Variants in PKNOX2 observed in about 807,000 individuals in gnomAD.
The protein encoded by PKNOX2 is homeobox protein PKNOX2.
PKNOX2 carries 14 observed loss-of-function variants against 53.1 expected under a neutral mutation model. That is an observed-to-expected ratio of 0.26 (90% CI 0.17 to 0.41). PKNOX2 has a LOEUF of 0.41. PKNOX2 is among the 10% of genes least tolerant of loss of function. The probability of loss-of-function intolerance (pLI) is 1.00; values close to 1 mark genes in which losing one functional copy is unlikely to be tolerated. For synonymous variants in PKNOX2, 257 were observed against 242.8 expected, an observed-to-expected ratio of 1.06 and a Z score of -0.54; for missense variants, 496 against 602.8, an observed-to-expected ratio of 0.82 and a Z score of 1.85.
Position 125,431,387 on chromosome 11 carries a change from G to A in PKNOX2, c.1414G>A (p.Glu472Lys). ...DLGLEHSDSLE is the reference protein window; with the variant it reads ...DLGLEHSDSLK ...GGGCTTGGAACACAGTGACTCCCTG[G>A]AGTAGTCGGGCAGCCCAGATGGCAC... is the stretch of plus-strand genomic sequence containing the variant. Residue 472 changes from glutamate (E) to lysine (K), a missense_variant, in exon 13 of 13, where the codon GAG becomes AAG. By Grantham distance (56) the Glu-to-Lys change is moderately conservative (BLOSUM62 1). Transcript: ENST00000298282. The A allele has an allele frequency of 6.2e-7, 1 of 1,600,630 alleles. No homozygotes were observed. The highest frequency in any genetic ancestry group is 8.5e-7 in the Non-Finnish European group (1 of 1,172,094).
At chr11:125,325,198 T>C (rs1949760412) in intron 2 of PKNOX2, among the ~76,000 whole-genome samples, 1 of 152,232 alleles carries the variant, frequency 6.6e-6, no homozygotes, top group South Asian at 2.1e-4. Flanking sequence ...CTGGCCAAAC[T>C]CTGCCCAGGT....
rs539604561 is a variant in PKNOX2 at position 125,311,930 on chromosome 11, C to T, written c.-129-19889C>T. Among the ~76,000 whole-genome samples, 94 of 152,030 alleles carry T rather than the reference C, an allele frequency of 6.2e-4. 1 individual carries two copies. The highest frequency in any genetic ancestry group is 2.1e-3 in the African/African-American group (86 of 41,444). On this transcript the variant is annotated intron_variant, in intron 2 of 12. Transcript: ENST00000298282. Reference sequence around the variant, plus strand: ...AAACATCTGAATTTGCTCTTGAACCCGGGAGGTGGAGGTTACAGTGAGCGA... The same window carrying T: ...AAACATCTGAATTTGCTCTTGAACCTGGGAGGTGGAGGTTACAGTGAGCGA...
At chr11:125,219,394 CG>C (rs1320477633) in intron 1 of PKNOX2, among the ~76,000 whole-genome samples, 1 of 151,306 alleles carries the variant, frequency 6.6e-6, no homozygotes, top group Non-Finnish European at 1.5e-5. Flanking sequence ...GCCAAGATCA[CG>C]CCATTGCATT....
chr11:125,196,352 G>A (rs138516765), intron 1 of PKNOX2, among the ~76,000 whole-genome samples: 111 of 152,292 alleles, frequency 7.3e-4, no homozygotes, highest in Middle Eastern at 3.4e-3. Flanking sequence ...GGCTCCCTGA[G>A]GCGTATAGCT....
intron 10 of PKNOX2, among the ~76,000 whole-genome samples, chr11:125,414,535 C>T (rs550346754): frequency 1.3e-3 from 192 of 152,286 alleles, no homozygotes; most frequent in African/African-American, 4.3e-3. Context: ...AACAAGCAGA[C>T]CCAGCTGTCC....
intron 2 of PKNOX2, among the ~76,000 whole-genome samples, chr11:125,282,569 G>T (rs1218160489): frequency 6.6e-6 from 1 of 152,214 alleles, no homozygotes; most frequent in African/African-American, 2.4e-5. Flanking sequence ...CCCAGGTGAT[G>T]CTGCTGGTAC....
At chr11:125,341,070 AAAGT>A (rs1272815538) in intron 3 of PKNOX2, among the ~76,000 whole-genome samples, 2 of 150,184 alleles carry the variant, frequency 1.3e-5, no homozygotes, top group East Asian at 2.0e-4. Context: ...AAAAAAAAAA[AAAGT>A]AAGCCGGCCA....
intron 6 of PKNOX2, among the ~76,000 whole-genome samples, chr11:125,397,194 C>T (rs907207504): frequency 6.6e-6 from 1 of 152,220 alleles, no homozygotes; most frequent in African/African-American, 2.4e-5. Flanking sequence ...GAAAAGGCCA[C>T]AGCAGACAGT....
intron 12 of PKNOX2, 73 bp downstream of exon 12, chr11:125,430,214 GCAAAGATT>G (rs1956632516): frequency 6.5e-7 from 1 of 1,528,284 alleles, no homozygotes; most frequent in Non-Finnish European, 8.8e-7. Flanking sequence ...GTCAAGCCGT[GCAAAGATT>G]CAAGGGCTAT....
chr11:125,261,560 C>T (rs992807129), intron 2 of PKNOX2, among the ~76,000 whole-genome samples: 3 of 152,196 alleles, frequency 2.0e-5, no homozygotes, highest in Non-Finnish European at 2.9e-5. Context: ...CCCTCCCCAC[C>T]ACCACACTCC....
At chr11:125,194,325 C>A (rs1055445225) in intron 1 of PKNOX2, among the ~76,000 whole-genome samples, 16 of 152,216 alleles carry the variant, frequency 1.1e-4, no homozygotes, top group Admixed American at 1.0e-3. Flanking sequence ...GAGCAATAAT[C>A]CTCTCCTGGT....
intron 5 of PKNOX2, among the ~76,000 whole-genome samples, chr11:125,381,226 G>A (rs1953206604): frequency 6.6e-6 from 1 of 152,170 alleles, no homozygotes; most frequent in African/African-American, 2.4e-5. Flanking sequence ...CTCAGATGCT[G>A]TCTGAGCTCT....
chr11:125,356,538 C>T (rs906942649), intron 4 of PKNOX2, among the ~76,000 whole-genome samples: 25 of 152,222 alleles, frequency 1.6e-4, no homozygotes, highest in African/African-American at 6.0e-4. Context: ...CCCCGATCCT[C>T]CAGCATCCCT....
intron 2 of PKNOX2, among the ~76,000 whole-genome samples, chr11:125,317,336 C>A (rs1006145679): frequency 1.1e-4 from 16 of 152,214 alleles, no homozygotes; most frequent in Admixed American, 2.0e-4. Context: ...CTCTTAATGG[C>A]ACTAGAATGG....
chr11:125,424,504 A>T (rs1412656301), intron 10 of PKNOX2, among the ~76,000 whole-genome samples: 1 of 152,146 alleles, frequency 6.6e-6, no homozygotes, highest in Non-Finnish European at 1.5e-5. Flanking sequence ...ACCACCCCAG[A>T]GTGGTGGCTG....
chr11:125,208,832 G>A (rs1378552043), intron 1 of PKNOX2, among the ~76,000 whole-genome samples: 1 of 152,024 alleles, frequency 6.6e-6, no homozygotes, highest in African/African-American at 2.4e-5. Flanking sequence ...AGCGAGAGGG[G>A]ACGTGTGCTG....
chr11:125,164,958 G>T (rs1954739311), intron 1 of PKNOX2, among the ~76,000 whole-genome samples, 182 bp downstream of exon 1: 1 of 151,680 alleles, frequency 6.6e-6, no homozygotes, highest in African/African-American at 2.4e-5. Context: ...GCAGCAGGGA[G>T]GAGAGAGAGG....
chr11:125,215,581 A>G (rs936870874), intron 1 of PKNOX2, among the ~76,000 whole-genome samples: 1 of 152,074 alleles, frequency 6.6e-6, no homozygotes, highest in African/African-American at 2.4e-5. Context: ...GCGAAACCCC[A>G]TCTCTACTAA....
chr11:125,282,536 G>C (rs908925876), intron 2 of PKNOX2, among the ~76,000 whole-genome samples: 1 of 152,172 alleles, frequency 6.6e-6, no homozygotes, highest in Non-Finnish European at 1.5e-5. Flanking sequence ...ACAGAGCCTT[G>C]GAATTTGCAT....
Sources: gnomAD v4.1 joint callset for allele counts (sites outside exome capture counted in the v4.1 genomes callset) on GRCh38, gnomAD v4.1.1 for gene constraint, MANE v1.5 for transcripts, NCBI Gene and HGNC (gene_info 2026-07-23, HGNC 2026-07-21) for gene names.